The following NRXN3 variants were observed in gnomAD, a reference collection of about 807,000 sequenced individuals.
NRXN3 encodes neurexin 3.
NRXN3 carries 32 observed loss-of-function variants against 137.6 expected under a neutral mutation model. The observed-to-expected ratio is 0.23, with a 90% CI of 0.18 to 0.31. The LOEUF is 0.31. Among genes scored for constraint, NRXN3 ranks in the 10% least tolerant of loss-of-function variants. The pLI, the probability that NRXN3 is intolerant of heterozygous loss-of-function variation, is 1.00. For synonymous variants in NRXN3, 798 were observed against 784.5 expected (o/e 1.02, Z -0.29); for missense variants, 1,574 against 2,062.5 (o/e 0.76, Z 4.59).
At chr14:79,741,451 A>ATG (rs113579838) in intron 19 of NRXN3, among the ~76,000 whole-genome samples, 4,161 of 149,992 alleles carry the variant, frequency 0.028, 61 homozygotes, top group Non-Finnish European at 0.036. Context: ...AAGTTGAAAT[A>ATG]TGTGTGTGTG....
chr14:79,122,958 ACT>A (rs745989873), intron 15 of NRXN3, among the ~76,000 whole-genome samples: 7 of 152,156 alleles, frequency 4.6e-5, no homozygotes, highest in African/African-American at 1.4e-4. Flanking sequence ...GCCAAAGGTG[ACT>A]CTAAATAATT....
intron 4 of NRXN3, among the ~76,000 whole-genome samples, chr14:78,531,041 A>G (rs1298829129): frequency 1.3e-5 from 2 of 152,134 alleles, no homozygotes; most frequent in East Asian, 1.9e-4. Flanking sequence ...CTAATCTTTG[A>G]TGCCTTTCCT....
intron 10 of NRXN3, among the ~76,000 whole-genome samples, chr14:78,887,999 G>A (rs1398122207): frequency 2.0e-5 from 3 of 152,176 alleles, no homozygotes; most frequent in East Asian, 3.9e-4. Context: ...AATCATCTGG[G>A]TATGATCTGG....
intron 16 of NRXN3, among the ~76,000 whole-genome samples, chr14:79,483,352 A>G (rs2096625686): frequency 2.0e-5 from 3 of 152,196 alleles, no homozygotes; most frequent in Admixed American, 6.5e-5. Context: ...GAGAACATAG[A>G]CGGCATGATA....
chr14:79,253,313 A>T (rs2076173897), intron 15 of NRXN3, among the ~76,000 whole-genome samples: 1 of 152,152 alleles, frequency 6.6e-6, no homozygotes, highest in African/African-American at 2.4e-5. Flanking sequence ...CTGTGCGGCC[A>T]TAGTTTAGGT....
chr14:78,206,905 C>T (rs2062244603), intron 1 of NRXN3, among the ~76,000 whole-genome samples: 1 of 151,934 alleles, frequency 6.6e-6, no homozygotes, highest in South Asian at 2.1e-4. Context: ...GCTCTGTTGC[C>T]CAGGCTGGAG....
intron 8 of NRXN3, among the ~76,000 whole-genome samples, chr14:78,797,227 A>G (rs2098824549): frequency 6.6e-6 from 1 of 152,258 alleles, no homozygotes; most frequent in East Asian, 1.9e-4. Context: ...ATAAATGAAC[A>G]TATGAACAAA....
chr14:78,419,395 C>A (rs1269301880), intron 4 of NRXN3, among the ~76,000 whole-genome samples: 1 of 152,070 alleles, frequency 6.6e-6, no homozygotes. Flanking sequence ...TTGCCTCTAC[C>A]ACCTGGCTAA....
rs78169816 is a variant in NRXN3, at chr14:79,350,039, C to T, written c.3263-117182C>T. On this transcript the variant is annotated intron_variant, in intron 15 of 20. Coordinates refer to ENST00000335750, the MANE Select transcript of NRXN3 (RefSeq NM_001330195.2). ...AACTAATACAGCCCATAATTTATGACTAGCATTTCATATTAAAATTAAACA... is the reference window on the plus strand; with the variant it reads ...AACTAATACAGCCCATAATTTATGATTAGCATTTCATATTAAAATTAAACA... 6.4e-3 allele frequency among the ~76,000 whole-genome samples: 970 copies of T among 152,290 alleles called. 9 individuals carry two copies. Among genetic ancestry groups the T allele is most frequent in the African/African-American group, 0.022 (920 of 41,540 alleles).
At chr14:78,673,172 A>T (rs948478735) in intron 6 of NRXN3, among the ~76,000 whole-genome samples, 1 of 152,194 alleles carries the variant, frequency 6.6e-6, no homozygotes, top group African/African-American at 2.4e-5. Flanking sequence ...ACCTGTCATA[A>T]ATTAATAGGT....
intron 17 of NRXN3, among the ~76,000 whole-genome samples, chr14:79,672,936 G>A (rs2098618034): frequency 6.6e-6 from 1 of 151,964 alleles, no homozygotes; most frequent in South Asian, 2.1e-4. Flanking sequence ...GAGAAAGGTG[G>A]TACATAAATA....
At chr14:79,370,617 C>T (rs935366467) in intron 15 of NRXN3, among the ~76,000 whole-genome samples, 1 of 152,064 alleles carries the variant, frequency 6.6e-6, no homozygotes, top group Non-Finnish European at 1.5e-5. Context: ...CGTGCCTGGC[C>T]AAGTTTATGT....
At chr14:78,334,243 G>A (rs773947730) in intron 4 of NRXN3, among the ~76,000 whole-genome samples, 2 of 152,150 alleles carry the variant, frequency 1.3e-5, no homozygotes, top group African/African-American at 2.4e-5. Context: ...CAGTTCAGGG[G>A]AGAGGGTCAG....
intron 10 of NRXN3, among the ~76,000 whole-genome samples, chr14:78,894,279 A>T (rs2099167323): frequency 6.6e-6 from 1 of 151,998 alleles, no homozygotes; most frequent in Non-Finnish European, 1.5e-5. Context: ...CAGGTGCTTT[A>T]TCAACTGAAT....
At chr14:79,528,665 A>T (rs2153714242) in intron 16 of NRXN3, among the ~76,000 whole-genome samples, 1 of 150,914 alleles carries the variant, frequency 6.6e-6, no homozygotes, top group South Asian at 2.1e-4. Flanking sequence ...TGGTAAAAAA[A>T]AAAAGTAGTT....
At chr14:78,487,086 A>G (rs2095572737) in intron 4 of NRXN3, among the ~76,000 whole-genome samples, 1 of 152,126 alleles carries the variant, frequency 6.6e-6, no homozygotes, top group Non-Finnish European at 1.5e-5. Context: ...GGTCTGGCTG[A>G]CCTTCTGAAT....
intron 4 of NRXN3, among the ~76,000 whole-genome samples, chr14:78,587,138 G>A (rs1399054169): frequency 6.6e-6 from 1 of 152,212 alleles, no homozygotes; most frequent in East Asian, 1.9e-4. Flanking sequence ...CAGCATACCA[G>A]GTTTGCTCCT....
At chr14:78,614,397 C>T (rs917068060) in intron 4 of NRXN3, among the ~76,000 whole-genome samples, 30 of 152,050 alleles carry the variant, frequency 2.0e-4, no homozygotes, top group African/African-American at 6.3e-4. Flanking sequence ...CCTACTTTTA[C>T]ATATGAAAAG....
chr14:78,433,260 A>G (rs1334525283), intron 4 of NRXN3, among the ~76,000 whole-genome samples: 39 of 152,230 alleles, frequency 2.6e-4, no homozygotes, highest in Admixed American at 6.5e-5. Context: ...CACGTTGCCT[A>G]CATCTTTGAG....
Sources: allele counts gnomAD v4.1 joint callset (sites outside exome capture counted in the v4.1 genomes callset), GRCh38; gene constraint gnomAD v4.1.1; transcripts MANE v1.5; gene names NCBI Gene and HGNC (gene_info 2026-07-23, HGNC 2026-07-21).